Variants in SUMF1 observed in about 807,000 individuals in gnomAD.
The protein encoded by SUMF1 is formylglycine-generating enzyme.
SUMF1 carries 48 observed loss-of-function variants against 47.6 expected under a neutral mutation model. That is an observed-to-expected ratio of 1.01 (90% confidence interval 0.80 to 1.28). The LOEUF is 1.28. Ranked by LOEUF, SUMF1 falls within the 50% of genes most tolerant of loss-of-function variation. The pLI is 0.00. For missense variants in SUMF1, 571 were observed against 485.4 expected (o/e 1.18, Z -1.66); for synonymous variants, 230 against 192.1 (o/e 1.20, Z -1.63).
intron 8 of SUMF1, among the ~76,000 whole-genome samples, chr3:4,277,945 AT>A (rs1184337685): frequency 7.2e-5 from 11 of 152,298 alleles, no homozygotes; most frequent in African/African-American, 2.2e-4. Context: ...AATTAAAAAA[AT>A]GTATGCAGTT....
At chr3:4,387,104 C>T (rs1700700644) in intron 7 of SUMF1, among the ~76,000 whole-genome samples, 1 of 151,886 alleles carries the variant, frequency 6.6e-6, no homozygotes, top group Admixed American at 6.6e-5. Flanking sequence ...GCAATACTAG[C>T]TTCGTAAAAT....
chr3:4,265,433 A>T (rs1184024972), intron 8 of SUMF1, among the ~76,000 whole-genome samples: 1 of 152,184 alleles, frequency 6.6e-6, no homozygotes, highest in African/African-American at 2.4e-5. Context: ...ATGATTTTTC[A>T]TATATAAATA....
chr3:4,168,003 G>C (rs1353043146), intron 8 of SUMF1, among the ~76,000 whole-genome samples: 1 of 152,106 alleles, frequency 6.6e-6, no homozygotes, highest in East Asian at 1.9e-4. Context: ...TCTGTCCAGA[G>C]TCTTATACAT....
intron 3 of SUMF1, among the ~76,000 whole-genome samples, chr3:4,434,121 A>G (rs1702321886): frequency 6.6e-6 from 1 of 152,252 alleles, no homozygotes; most frequent in African/African-American, 2.4e-5. Flanking sequence ...AGGTCACCAG[A>G]GGCTGAAGAG....
intron 8 of SUMF1, among the ~76,000 whole-genome samples, chr3:4,281,018 A>T (rs1463560840): frequency 6.6e-6 from 1 of 152,110 alleles, no homozygotes; most frequent in Non-Finnish European, 1.5e-5. Flanking sequence ...TAGGACTTCA[A>T]CATCTTTGAG....
intron 8 of SUMF1, chr3:4,303,446 G>A (rs1431209213): frequency 1.3e-6 from 2 of 1,547,282 alleles, no homozygotes; most frequent in Non-Finnish European, 1.7e-6. Flanking sequence ...GGCCCCGACT[G>A]AGCAGCTGGA....
At chr3:4,255,892 G>T (rs1289745216) in intron 8 of SUMF1, among the ~76,000 whole-genome samples, 1 of 103,150 alleles carries the variant, frequency 9.7e-6, no homozygotes. Context: ...AAATGTAAAA[G>T]AACAGAAATT....
chr3:4,301,078 G>T (rs956300885), intron 8 of SUMF1, among the ~76,000 whole-genome samples: 2 of 152,102 alleles, frequency 1.3e-5, no homozygotes, highest in South Asian at 4.1e-4. Context: ...TTAAATAGTT[G>T]CAGGGAACAT....
intron 8 of SUMF1, among the ~76,000 whole-genome samples, chr3:4,328,455 A>G (rs1187383305): frequency 6.6e-6 from 1 of 152,160 alleles, no homozygotes; most frequent in African/African-American, 2.4e-5. Context: ...GGGAGGCCTC[A>G]CAATCATGGC....
intron 8 of SUMF1, among the ~76,000 whole-genome samples, chr3:4,243,551 T>C (rs1696593173): frequency 6.6e-6 from 1 of 152,222 alleles, no homozygotes; most frequent in South Asian, 2.1e-4. Context: ...AGTTGTTCAG[T>C]TTCCATGTAG....
chr3:4,458,175 A>G (rs1243439113), intron 1 of SUMF1, among the ~76,000 whole-genome samples: 3 of 152,208 alleles, frequency 2.0e-5, no homozygotes, highest in Non-Finnish European at 4.4e-5. Flanking sequence ...TAAAACCACA[A>G]TGGGCTATCT....
chr3:4,085,435 T>TCATAGCA (rs1006572698), intron 8 of SUMF1, among the ~76,000 whole-genome samples: 4 of 152,064 alleles, frequency 2.6e-5, no homozygotes, highest in African/African-American at 9.7e-5. Context: ...TCTTTCTTCA[T>TCATAGCA]CTTTACCCCA....
intron 8 of SUMF1, among the ~76,000 whole-genome samples, chr3:4,245,313 G>T (rs1696636887): frequency 6.6e-6 from 1 of 152,070 alleles, no homozygotes; most frequent in African/African-American, 2.4e-5. Context: ...GAGGAGAAGA[G>T]GCTTTCTGGT....
In SUMF1 at chr3:4,362,336, G is replaced by T. The variant is rs1001493598; in HGVS notation, c.1015-82C>A. 6.5e-5 allele frequency: 73 copies of T among 1,128,290 alleles called. No homozygotes were observed. The African/African-American group carries it at 7.5e-4, about 12-fold the overall frequency. The allele number at this position is 1,128,290 out of a possible 1,614,324, so 69.9% of individuals were successfully genotyped here. A position where few individuals can be genotyped will look rare whatever the true frequency, so the allele number is the denominator to read the frequency against. The stretch of plus-strand genomic sequence containing the variant: ...AACCCATCAGATGCATATTGCACCG[G>T]CTGTAGACAGTGCTTCCCCACAACC... On this transcript the variant is annotated intron_variant, in intron 8 of 8. Coordinates refer to ENST00000272902, the MANE Select transcript of SUMF1 (RefSeq NM_182760.4).
intron 8 of SUMF1, among the ~76,000 whole-genome samples, chr3:4,252,858 T>C (rs904631844): frequency 2.0e-5 from 3 of 152,218 alleles, no homozygotes; most frequent in Admixed American, 6.5e-5. Flanking sequence ...CACCTGTTTT[T>C]AATATTTAAA....
intron 8 of SUMF1, among the ~76,000 whole-genome samples, chr3:4,116,362 A>G (rs1260407811): frequency 6.6e-6 from 1 of 152,166 alleles, no homozygotes; most frequent in Non-Finnish European, 1.5e-5. Context: ...TATTGCGCAG[A>G]ATAAGCAATT....
At chr3:4,133,951 G>C (rs891629164) in intron 8 of SUMF1, among the ~76,000 whole-genome samples, 1 of 151,898 alleles carries the variant, frequency 6.6e-6, no homozygotes, top group Non-Finnish European at 1.5e-5. Flanking sequence ...GACGAATCTG[G>C]GGATACTCAG....
At position 4,102,018 on chromosome 3, in the gene SUMF1, A is replaced by C. The variant is rs116030843; in HGVS notation, c.1015-33273T>G. 7.4e-3 allele frequency among the ~76,000 whole-genome samples: 1,128 copies of C among 152,226 alleles called. 25 individuals carry two copies. The highest frequency in any genetic ancestry group is 0.025 in the African/African-American group (1,043 of 41,502). On this transcript the variant is annotated intron_variant and NMD_transcript_variant, in intron 8 of 12. Coordinates refer to the SUMF1 transcript ENST00000448413. ...GGGAAGCCCCGTAAAAAAGCATCAG[A>C]TCTCATGAGAACTCACTCACTACCA...
chr3:4,187,124 C>T (rs1303483498), intron 8 of SUMF1, among the ~76,000 whole-genome samples: 1 of 152,166 alleles, frequency 6.6e-6, no homozygotes, highest in Non-Finnish European at 1.5e-5. Context: ...AATCCCAGCA[C>T]TTTGAGAGGC....
Sources: allele counts gnomAD v4.1 joint callset (sites outside exome capture counted in the v4.1 genomes callset), GRCh38; gene constraint gnomAD v4.1.1; transcripts MANE v1.5; gene names NCBI Gene and HGNC (gene_info 2026-07-23, HGNC 2026-07-21).